Variants in TTC39B observed in about 807,000 individuals in gnomAD.
The protein encoded by TTC39B is tetratricopeptide repeat domain 39B, also known as tetratricopeptide repeat protein 39B.
In TTC39B, 92 loss-of-function variants were observed where a neutral mutation model predicts 96.6. The ratio of observed to expected loss-of-function variants is 0.95; its 90% CI spans 0.80 to 1.13. TTC39B has a LOEUF of 1.13. TTC39B is among the 50% of genes most tolerant of loss of function. TTC39B has a pLI of 0.00. For missense variants in TTC39B, 955 were observed against 809.3 expected, an observed-to-expected ratio of 1.18 and a Z score of -2.18; for synonymous variants, 367 against 299.4, an observed-to-expected ratio of 1.23 and a Z score of -2.33.
intron 2 of TTC39B, among the ~76,000 whole-genome samples, chr9:15,253,412 G>C (rs1822636814): frequency 6.6e-6 from 1 of 152,242 alleles, no homozygotes; most frequent in Non-Finnish European, 1.5e-5. Context: ...TGTAGCTCTA[G>C]ATACTGGAAA....
At chr9:15,264,218 T>C (rs1823042083) in intron 2 of TTC39B, among the ~76,000 whole-genome samples, 1 of 152,184 alleles carries the variant, frequency 6.6e-6, no homozygotes, top group Non-Finnish European at 1.5e-5. Context: ...AAGGGGTTTC[T>C]CTAGCAAATA....
chr9:15,199,819 G>A (rs1310293101), intron 8 of TTC39B, 42 bp downstream of exon 8: 12 of 997,648 alleles, frequency 1.2e-5, no homozygotes, highest in Non-Finnish European at 1.6e-5. Flanking sequence ...GGAGTACACA[G>A]CACAAAATTA....
At chr9:15,242,498 G>T (rs560035563) in intron 2 of TTC39B, among the ~76,000 whole-genome samples, 1 of 152,250 alleles carries the variant, frequency 6.6e-6, no homozygotes, top group South Asian at 2.1e-4. Flanking sequence ...CGGGAGGATC[G>T]CTTGAAACAG....
At chr9:15,263,552 C>G (rs1158145898) in intron 2 of TTC39B, among the ~76,000 whole-genome samples, 1 of 152,176 alleles carries the variant, frequency 6.6e-6, no homozygotes, top group Non-Finnish European at 1.5e-5. Flanking sequence ...TTTCTTTGTT[C>G]TCTCACTGCC....
At chr9:15,281,625 CAAAAA>C (rs1161175672) in intron 1 of TTC39B, among the ~76,000 whole-genome samples, 6 of 49,002 alleles carry the variant, frequency 1.2e-4, no homozygotes, top group African/African-American at 4.8e-4. Context: ...CCTGCAACAG[CAAAAA>C]AAAAAAAAAA....
At chr9:15,258,393 CAA>C (rs1339256891) in intron 2 of TTC39B, among the ~76,000 whole-genome samples, 1 of 152,100 alleles carries the variant, frequency 6.6e-6, no homozygotes, top group African/African-American at 2.4e-5. Context: ...ACAGAAAAGG[CAA>C]AGTTTTCAGA....
intron 18 of TTC39B, among the ~76,000 whole-genome samples, chr9:15,176,596 CA>C (rs1817952453): frequency 6.6e-6 from 1 of 152,022 alleles, no homozygotes; most frequent in African/African-American, 2.4e-5. Context: ...AGAATATTTT[CA>C]AAAAATTTGA....
At chr9:15,217,798 C>T (rs1005438139) in intron 3 of TTC39B, among the ~76,000 whole-genome samples, 2 of 152,152 alleles carry the variant, frequency 1.3e-5, no homozygotes, top group Admixed American at 1.3e-4. Flanking sequence ...AGATGCTCAT[C>T]ATTCTGCCTC....
intron 1 of TTC39B, among the ~76,000 whole-genome samples, 197 bp from the exon 2 acceptor site, chr9:15,268,145 A>T (rs1823207389): frequency 6.6e-6 from 1 of 152,082 alleles, no homozygotes; most frequent in South Asian, 2.1e-4. Flanking sequence ...AGTGACGTTT[A>T]ATTTTTTTTT....
chr9:15,266,057 T>C (rs888797681), intron 2 of TTC39B, among the ~76,000 whole-genome samples: 2 of 152,210 alleles, frequency 1.3e-5, no homozygotes, highest in Admixed American at 1.3e-4. Context: ...GGATAACGTA[T>C]GGACTGTAGT....
rs142078285 is a variant in TTC39B, at chr9:15,278,527, C to G, written c.241-10579G>C. Among the ~76,000 whole-genome samples the G allele has an allele frequency of 3.1e-3, 470 of 152,280 alleles. 2 individuals carry two copies. The highest frequency in any genetic ancestry group is 0.011 in the African/African-American group (443 of 41,556). ...ATCTATCCTCTAGTGCCAACTCTAT[C>G]CAATCTACCTAATTTACAGTAAACA... On this transcript the variant is annotated intron_variant, in intron 1 of 19. Transcript: ENST00000512701.
At chr9:15,176,806 G>T (rs375286658) in intron 18 of TTC39B, among the ~76,000 whole-genome samples, 1 of 152,028 alleles carries the variant, frequency 6.6e-6, no homozygotes, top group Non-Finnish European at 1.5e-5. Flanking sequence ...CCACTCAGCC[G>T]GCCTTATTAA....
At chr9:15,302,649 G>A (rs141434725) in intron 1 of TTC39B, among the ~76,000 whole-genome samples, 5 of 149,924 alleles carry the variant, frequency 3.3e-5, no homozygotes, top group African/African-American at 1.2e-4. Context: ...TTCGAGACCG[G>A]CCTGGCCAAC....
intron 1 of TTC39B, among the ~76,000 whole-genome samples, chr9:15,297,745 C>T (rs62570852): frequency 0.16 from 24,080 of 152,066 alleles, 3,449 homozygotes; most frequent in African/African-American, 0.39. Context: ...TCAGCCTCCA[C>T]GCCTTGCCAG....
At chr9:15,244,082 G>T (rs1299306204) in intron 2 of TTC39B, among the ~76,000 whole-genome samples, 3 of 152,152 alleles carry the variant, frequency 2.0e-5, no homozygotes, top group African/African-American at 7.2e-5. Context: ...CTTTCCTTAG[G>T]CAAGCAAATC....
intron 16 of TTC39B, 60 bp from the exon 17 acceptor site, chr9:15,182,475 A>T: frequency 8.8e-7 from 1 of 1,132,932 alleles, no homozygotes; most frequent in Non-Finnish European, 1.3e-6. Context: ...GTCCTTTATG[A>T]TCCCCAAACA....
At chr9:15,205,288 T>C (rs1050632583) in intron 6 of TTC39B, among the ~76,000 whole-genome samples, 2 of 152,198 alleles carry the variant, frequency 1.3e-5, no homozygotes, top group African/African-American at 2.4e-5. Context: ...AGCATTTTTA[T>C]GTGGACTGTG....
intron 2 of TTC39B, among the ~76,000 whole-genome samples, chr9:15,261,279 G>T (rs1453079942): frequency 2.0e-5 from 3 of 152,050 alleles, no homozygotes; most frequent in Admixed American, 1.3e-4. Context: ...AGGAGTTCAA[G>T]ACCAGCCTGG....
intron 8 of TTC39B, among the ~76,000 whole-genome samples, chr9:15,193,091 G>A (rs486612): frequency 0.015 from 2,215 of 152,236 alleles, 64 homozygotes; most frequent in African/African-American, 0.05. Flanking sequence ...AAATGCTACT[G>A]GCAAGAAGAT....
Sources: allele counts gnomAD v4.1 joint callset (sites outside exome capture counted in the v4.1 genomes callset), GRCh38; gene constraint gnomAD v4.1.1; transcripts MANE v1.5; gene names NCBI Gene and HGNC (gene_info 2026-07-23, HGNC 2026-07-21).